The following HERC4 variants were observed in gnomAD, a reference collection of about 807,000 sequenced individuals.
HERC4 encodes the protein probable E3 ubiquitin-protein ligase HERC4.
A neutral mutation model predicts 124.3 loss-of-function variants in HERC4; 28 were observed. That is an observed-to-expected ratio of 0.23 (90% CI 0.17 to 0.31). The LOEUF is 0.31. Ranked by LOEUF, HERC4 falls within the 10% of genes least tolerant of loss-of-function variation. The pLI, the probability that HERC4 is intolerant of heterozygous loss-of-function variation, is 1.00. For synonymous variants in HERC4, 407 were observed against 421.5 expected (o/e 0.97, Z 0.42); for missense variants, 713 against 1,229.3 (o/e 0.58, Z 6.28).
At chr10:67,926,415 A>AT (rs1164566125) in intron 23 of HERC4, among the ~76,000 whole-genome samples, 9 of 147,936 alleles carry the variant, frequency 6.1e-5, no homozygotes, top group Admixed American at 3.4e-4. Context: ...AAAATAAAAA[A>AT]TAAAAAAAAA....
rs1564953626 is a variant in HERC4 at position 67,954,622 on chromosome 10, A to G, written c.2310T>C (p.Asp770=). The change falls in exon 19 of 25, where the codon GAT becomes GAC. Residue 770 remains aspartate (D), a synonymous_variant. Coordinates refer to ENST00000373700, the MANE Select transcript of HERC4 (RefSeq NM_015601.4). ...PKYGMFRYYE[D]SRLIWFSDKT... is the part of the protein sequence containing the mutation. ...TATCAGAAAACCAAATGAGCCTGGA[A>G]TCTTCATAATACCTAAACATGCCGT... is the stretch of plus-strand genomic sequence containing the variant. 8 of 1,613,026 alleles carry G rather than the reference A, an allele frequency of 5.0e-6. No homozygotes were observed. Among genetic ancestry groups the G allele is most frequent in the Admixed American group, 1.7e-5 (1 of 59,962 alleles).
intron 9 of HERC4, among the ~76,000 whole-genome samples, chr10:68,005,517 AG>A (rs2037487858): frequency 6.6e-6 from 1 of 152,096 alleles, no homozygotes; most frequent in Non-Finnish European, 1.5e-5. Context: ...TTGACTGGGC[AG>A]TTTAGTCCGT....
chr10:68,013,969 A>G (rs974685263), intron 9 of HERC4, 57 bp downstream of exon 9: 1 of 1,383,494 alleles, frequency 7.2e-7, no homozygotes, highest in Non-Finnish European at 9.8e-7. Context: ...ATTTAAGAGC[A>G]ACATTTTAAC....
At chr10:68,064,328 T>C (rs2041188703) in intron 3 of HERC4, among the ~76,000 whole-genome samples, 1 of 151,864 alleles carries the variant, frequency 6.6e-6, no homozygotes, top group South Asian at 2.1e-4. Context: ...TCGTGGCAGA[T>C]GGATCACCTG....
At chr10:68,013,854 T>C (rs2038111599) in intron 9 of HERC4, among the ~76,000 whole-genome samples, 172 bp downstream of exon 9, 1 of 152,222 alleles carries the variant, frequency 6.6e-6, no homozygotes, top group African/African-American at 2.4e-5. Flanking sequence ...TCCTTATGCA[T>C]TTACAAGTAA....
chr10:67,993,686 C>A (rs1299002134), intron 9 of HERC4: 4 of 151,676 alleles, frequency 2.6e-5, no homozygotes, highest in African/African-American at 9.7e-5. Context: ...CCAAATTAGG[C>A]CCCAAAGTGA....
At chr10:68,012,156 G>A (rs1421342814) in intron 9 of HERC4, among the ~76,000 whole-genome samples, 2 of 152,200 alleles carry the variant, frequency 1.3e-5, no homozygotes, top group Admixed American at 6.5e-5. Flanking sequence ...TAATCCTAAT[G>A]TTGTGGCTGG....
At chr10:67,936,272 A>C in intron 21 of HERC4, 37 bp from the exon 22 acceptor site, 1 of 1,207,352 alleles carries the variant, frequency 8.3e-7, no homozygotes, top group African/African-American at 1.5e-5. Context: ...TCAATGTCAG[A>C]CTCAAAACTT....
Position 67,992,070 on chromosome 10 carries a change from A to AT in HERC4, c.1271+128dup, listed in dbSNP as rs566018346. ...TGCACCACCACGCCCAGCTAATTGT[A>AT]TTTTTTTGTAGAGACAGGGTTTTGC... is the stretch of plus-strand genomic sequence containing the variant. On this transcript the variant is annotated intron_variant, in intron 11 of 24. Coordinates refer to ENST00000373700, the MANE Select transcript of HERC4 (RefSeq NM_015601.4). The AT allele has an allele frequency of 1.8e-3, 1,455 of 787,794 alleles. 20 individuals carry two copies. Among genetic ancestry groups the AT allele is most frequent in the South Asian group, 0.011 (609 of 57,682 alleles). 48.8% of individuals were successfully genotyped at this position (787,794 alleles called of 1,614,324 possible). A position where few individuals can be genotyped will look rare whatever the true frequency, so the allele number is the denominator to read the frequency against.
At chr10:68,029,932 G>A (rs1201324997) in intron 7 of HERC4, among the ~76,000 whole-genome samples, 1 of 151,038 alleles carries the variant, frequency 6.6e-6, no homozygotes, top group African/African-American at 2.4e-5. Flanking sequence ...TAGAGACAGA[G>A]TTTCACCACG....
At chr10:67,955,163 A>T in intron 17 of HERC4, 33 bp from the exon 18 acceptor site, 5 of 1,556,672 alleles carry the variant, frequency 3.2e-6, no homozygotes, top group Non-Finnish European at 4.3e-6. Flanking sequence ...TTTAACAGCA[A>T]TGCTACAATA....
chr10:67,995,241 A>G (rs1314718757), intron 9 of HERC4: 1 of 455,386 alleles, frequency 2.2e-6, no homozygotes. Context: ...CTTTGAGAAG[A>G]ATTTTCACTG....
chr10:67,985,595 A>C (rs2132694762), intron 15 of HERC4, among the ~76,000 whole-genome samples: 1 of 152,316 alleles, frequency 6.6e-6, no homozygotes, highest in Middle Eastern at 3.4e-3. Context: ...CAGCACAAAT[A>C]TGTAGCGACT....
intron 14 of HERC4, among the ~76,000 whole-genome samples, chr10:67,989,781 T>C (rs1242897504): frequency 6.6e-6 from 1 of 151,592 alleles, no homozygotes; most frequent in Non-Finnish European, 1.5e-5. Context: ...GGCAGAAAAA[T>C]AAAATCAAAT....
intron 3 of HERC4, among the ~76,000 whole-genome samples, chr10:68,064,318 T>C (rs572216638): frequency 6.6e-6 from 1 of 152,030 alleles, no homozygotes; most frequent in South Asian, 2.1e-4. Flanking sequence ...ATTTGGGATG[T>C]CGTGGCAGAT....
intron 4 of HERC4, chr10:68,039,336 A>G (rs1190159355): frequency 9.5e-6 from 14 of 1,467,460 alleles, no homozygotes; most frequent in Non-Finnish European, 1.3e-5. Flanking sequence ...AAAAAAAAAG[A>G]AAGAAAGAAA....
At position 67,922,951 on chromosome 10, in the gene HERC4, C is replaced by T; in HGVS notation, c.3130G>A (p.Glu1044Lys). ...SKLIQAIDHN[E>K]GFSLI Reference sequence around the variant, plus strand: ...CAAAGTTATATTAAACTGAAGCCTTCATTGTGATCAATAGCTTGGATCAGT... The same window carrying T: ...CAAAGTTATATTAAACTGAAGCCTTTATTGTGATCAATAGCTTGGATCAGT... Residue 1044 changes from glutamate (E) to lysine (K), a missense_variant, in exon 25 of 25, where the codon GAA becomes AAA. Physicochemically the swap from Glu to Lys is moderately conservative, Grantham distance 56 (BLOSUM62 1). Transcript: ENST00000373700. 1 of 1,610,800 alleles carries T rather than the reference C, an allele frequency of 6.2e-7. No homozygotes were observed. The highest frequency in any genetic ancestry group is 8.5e-7 in the Non-Finnish European group (1 of 1,177,854).
chr10:68,036,970 C>T (rs2039505443), intron 5 of HERC4, among the ~76,000 whole-genome samples: 1 of 152,012 alleles, frequency 6.6e-6, no homozygotes, highest in Admixed American at 6.6e-5. Flanking sequence ...ATTGTATGAT[C>T]CCTAAACCTG....
chr10:68,048,009 C>T (rs2040103228), intron 3 of HERC4, among the ~76,000 whole-genome samples: 1 of 151,876 alleles, frequency 6.6e-6, no homozygotes, highest in Non-Finnish European at 1.5e-5. Context: ...ACTGCAGCCT[C>T]CCAGGCTCAA....
Sources: allele counts gnomAD v4.1 joint callset (sites outside exome capture counted in the v4.1 genomes callset), GRCh38; gene constraint gnomAD v4.1.1; transcripts MANE v1.5; gene names NCBI Gene and HGNC (gene_info 2026-07-23, HGNC 2026-07-21).